The following PDZD2 variants were observed in gnomAD, a reference collection of about 807,000 sequenced individuals.
PDZD2 encodes PDZ domain-containing protein 2.
In PDZD2, 90 loss-of-function variants were observed where a neutral mutation model predicts 220.7. That is an observed-to-expected ratio of 0.41 (90% CI 0.34 to 0.49). The LOEUF is 0.49. PDZD2 is among the 20% of genes least tolerant of loss of function. The pLI, the probability that PDZD2 is intolerant of heterozygous loss-of-function variation, is 0.28. For synonymous variants in PDZD2, 1,375 were observed against 1,450.5 expected (o/e 0.95, Z 1.18); for missense variants, 3,174 against 3,608.5 (o/e 0.88, Z 3.08).
intron 1 of PDZD2, among the ~76,000 whole-genome samples, chr5:31,763,889 G>T (rs897536183): frequency 2.2e-5 from 3 of 137,728 alleles, no homozygotes; most frequent in African/African-American, 9.0e-5. Context: ...AAAAAAAAAA[G>T]TCATAGTGTA....
rs1043260378 is a variant in PDZD2 at position 31,896,368 on chromosome 5, A to ATG, written c.477-86776_477-86775dup. Among the ~76,000 whole-genome samples, 15 of 85,326 alleles carry ATG rather than the reference A, an allele frequency of 1.8e-4. No individual in the cohort carries two copies. In the South Asian group the frequency reaches 3.9e-3, roughly 22 times the overall value. The allele number at this position is 85,326 out of a possible 152,430, so 56.0% of individuals were successfully genotyped here. On this transcript the variant is annotated intron_variant, in intron 2 of 24. Coordinates refer to ENST00000438447, the MANE Select transcript of PDZD2 (RefSeq NM_178140.4). ...TGTGTGTGTGTGTGTGTGTGTGTGT[A>ATG]TGTGTGTGTGTGAAATATCCACCTA...
intron 14 of PDZD2, among the ~76,000 whole-genome samples, chr5:32,067,209 G>A (rs1041041769): frequency 2.0e-5 from 3 of 152,144 alleles, no homozygotes; most frequent in African/African-American, 7.2e-5. Context: ...CTGCCCAGTT[G>A]GGTTACTTAA....
intron 2 of PDZD2, among the ~76,000 whole-genome samples, chr5:31,946,695 G>A (rs187140247): frequency 1.6e-4 from 25 of 152,090 alleles, no homozygotes; most frequent in African/African-American, 4.6e-4. Context: ...TTTTTGTTTC[G>A]TTTTGTTTTT....
At chr5:31,995,227 T>A (rs1488830065) in intron 3 of PDZD2, among the ~76,000 whole-genome samples, 1 of 152,208 alleles carries the variant, frequency 6.6e-6, no homozygotes, top group Non-Finnish European at 1.5e-5. Flanking sequence ...AGCATAGTCA[T>A]TAGCCACAGG....
intron 3 of PDZD2, among the ~76,000 whole-genome samples, chr5:31,984,708 A>G (rs996711316): frequency 5.9e-5 from 9 of 152,154 alleles, no homozygotes; most frequent in Admixed American, 2.0e-4. Flanking sequence ...TACCAAAAAT[A>G]CAAAAAATTA....
chr5:32,075,955 A>G (rs893087631), intron 18 of PDZD2, among the ~76,000 whole-genome samples: 11 of 152,256 alleles, frequency 7.2e-5, no homozygotes, highest in African/African-American at 2.6e-4. Context: ...CCTGTGTTTT[A>G]AAATATAATG....
chr5:31,692,131 C>T (rs1165800308), intron 1 of PDZD2, among the ~76,000 whole-genome samples: 1 of 151,396 alleles, frequency 6.6e-6, no homozygotes, highest in Non-Finnish European at 1.5e-5. Flanking sequence ...TCAGGCATGG[C>T]GGGCTGCAGG....
chr5:31,873,861 G>T (rs147023896), intron 2 of PDZD2, among the ~76,000 whole-genome samples: 1 of 152,000 alleles, frequency 6.6e-6, no homozygotes, highest in Non-Finnish European at 1.5e-5. Context: ...CTCCTGAGTA[G>T]CTGGGAGTAC....
chr5:31,903,302 A>ATAAAAT (rs1452109703), intron 2 of PDZD2, among the ~76,000 whole-genome samples: 1 of 151,998 alleles, frequency 6.6e-6, no homozygotes, highest in Non-Finnish European at 1.5e-5. Context: ...TCAAAAAAAA[A>ATAAAAT]TAAAATTAAA....
chr5:31,940,463 T>C (rs1201982469), intron 2 of PDZD2, among the ~76,000 whole-genome samples: 1 of 152,228 alleles, frequency 6.6e-6, no homozygotes, highest in East Asian at 1.9e-4. Flanking sequence ...ACTCTAGATC[T>C]GCCTTCCCTT....
intron 2 of PDZD2, among the ~76,000 whole-genome samples, chr5:31,811,273 T>A (rs746798765): frequency 1.4e-4 from 21 of 152,122 alleles, no homozygotes; most frequent in Non-Finnish European, 2.2e-4. Flanking sequence ...GACCTGGCCT[T>A]ACTAGTGGCT....
intron 24 of PDZD2, among the ~76,000 whole-genome samples, chr5:32,102,347 G>T (rs1744332304): frequency 6.6e-6 from 1 of 152,032 alleles, no homozygotes; most frequent in South Asian, 2.1e-4. Context: ...CCAGAGCGAA[G>T]CATCTCGTGA....
At chr5:31,846,356 A>G (rs1445871629) in intron 2 of PDZD2, among the ~76,000 whole-genome samples, 1 of 152,148 alleles carries the variant, frequency 6.6e-6, no homozygotes, top group Non-Finnish European at 1.5e-5. Flanking sequence ...GCTGGTCTTG[A>G]ACTCCTGACT....
intron 2 of PDZD2, among the ~76,000 whole-genome samples, chr5:31,808,943 C>T (rs759186900): frequency 1.3e-5 from 2 of 151,652 alleles, no homozygotes; most frequent in Non-Finnish European, 2.9e-5. Context: ...CACACCACTG[C>T]ACTCCAGCCT....
At position 32,089,861 on chromosome 5, in the gene PDZD2, A is replaced by T. The variant is rs200292283; in HGVS notation, c.6413A>T (p.Glu2138Val). 1 of 1,613,050 alleles carries T rather than the reference A, an allele frequency of 6.2e-7. No homozygotes were observed. The highest frequency in any genetic ancestry group is 1.3e-5 in the African/African-American group (1 of 75,036). The change falls in exon 20 of 25, where the codon GAA becomes GTA. Residue 2138 changes from glutamate (E) to valine (V), a missense_variant. This residue lies in a region of PDZD2 where 1,861 missense variants were observed against 2,001.0 expected (regional missense o/e 0.93). Coordinates refer to ENST00000438447, the MANE Select transcript of PDZD2 (RefSeq NM_178140.4). ...SEIRLYRQVA[E>V]SSTSHPSSLP... is the part of the protein sequence containing the mutation. The stretch of plus-strand genomic sequence containing the variant: ...ATCAGGCTCTATCGCCAGGTCGCAG[A>T]ATCATCCACAAGTCATCCATCCTCA...
chr5:31,838,973 A>T (rs900240413), intron 2 of PDZD2, among the ~76,000 whole-genome samples: 1 of 152,158 alleles, frequency 6.6e-6, no homozygotes, highest in African/African-American at 2.4e-5. Flanking sequence ...GTGGCATCTC[A>T]GCACGTGTCC....
intron 6 of PDZD2, among the ~76,000 whole-genome samples, chr5:32,020,134 C>G (rs959958124): frequency 1.3e-5 from 2 of 151,092 alleles, no homozygotes; most frequent in African/African-American, 4.9e-5. Flanking sequence ...GTGGCACAAT[C>G]TCAGCTCACT....
At chr5:31,845,994 C>G (rs928077074) in intron 2 of PDZD2, among the ~76,000 whole-genome samples, 1 of 152,208 alleles carries the variant, frequency 6.6e-6, no homozygotes, top group Non-Finnish European at 1.5e-5. Context: ...CCTGTGTGCA[C>G]TGGAAGATCA....
At position 32,066,578 on chromosome 5, in the gene PDZD2, C is replaced by T. The variant is rs149194480; in HGVS notation, c.2452-2991C>T. On this transcript the variant is annotated intron_variant, in intron 14 of 24. Transcript: ENST00000438447. ...GAATCTCCCGTTGGAGTCTACCACC[C>T]ACATCACCTCCTTTCACCTCGGGAA... is the stretch of plus-strand genomic sequence containing the variant. 6.4e-4 allele frequency among the ~76,000 whole-genome samples: 98 copies of T among 152,336 alleles called. 1 individual carries two copies. In the East Asian group the frequency reaches 0.016, roughly 25 times the overall value.
Sources: gnomAD v4.1 joint callset for allele counts (sites outside exome capture counted in the v4.1 genomes callset) on GRCh38, gnomAD v4.1.1 for gene constraint, gnomAD v4.1.1 regional missense constraint, MANE v1.5 for transcripts, NCBI Gene and HGNC (gene_info 2026-07-23, HGNC 2026-07-21) for gene names.